Variants in ADAM32 observed in about 807,000 individuals in gnomAD.
ADAM32 encodes the protein disintegrin and metalloproteinase domain-containing protein 32.
Under a neutral mutation model 114.9 loss-of-function variants are expected in ADAM32, and 89 were observed. The observed-to-expected ratio is 0.77, with a 90% confidence interval of 0.65 to 0.92. The LOEUF (loss-of-function observed/expected upper bound fraction) is 0.92, where lower values mean the gene tolerates loss of function less well. Among genes scored for constraint, ADAM32 ranks in the 40% least tolerant of loss-of-function variants. The probability of loss-of-function intolerance (pLI) is 0.00; values close to 1 mark genes in which losing one functional copy is unlikely to be tolerated. For synonymous variants in ADAM32, 285 were observed against 307.5 expected (o/e 0.93, Z 0.77); for missense variants, 870 against 932.8 (o/e 0.93, Z 0.88).
chr8:39,116,644 T>C (rs1041909397), intron 1 of ADAM32, among the ~76,000 whole-genome samples: 5 of 152,160 alleles, frequency 3.3e-5, no homozygotes, highest in Non-Finnish European at 7.3e-5. Flanking sequence ...GGGCAGAAAC[T>C]ATAGGGTTTT....
rs552754746 is a variant in ADAM32, at chr8:39,197,270, G to A, written c.1052+10225G>A. 1.6e-4 allele frequency among the ~76,000 whole-genome samples: 24 copies of A among 151,556 alleles called. No individual in the cohort carries two copies. In the South Asian group the frequency reaches 4.2e-3, roughly 26 times the overall value. On this transcript the variant is annotated intron_variant, in intron 11 of 24. Transcript: ENST00000379907. ...ATATCTGTGTATCAATTTTGTTTAC[G>A]TTTTCCAAAAATTAATTTTTGCTTC...
At chr8:39,279,626 T>C (rs748776500) in intron 22 of ADAM32, among the ~76,000 whole-genome samples, 2 of 152,226 alleles carry the variant, frequency 1.3e-5, no homozygotes, top group African/African-American at 4.8e-5. Flanking sequence ...ATTACATCTT[T>C]CTACCTCTCT....
At chr8:39,156,731 A>G (rs1271240165) in intron 6 of ADAM32, among the ~76,000 whole-genome samples, 2 of 152,160 alleles carry the variant, frequency 1.3e-5, no homozygotes, top group Non-Finnish European at 2.9e-5. Context: ...TGCTTGGCAT[A>G]TAAGTAACCA....
chr8:39,283,009 CT>C (rs1206410923), intron 23 of ADAM32, among the ~76,000 whole-genome samples: 1 of 152,104 alleles, frequency 6.6e-6, no homozygotes, highest in Non-Finnish European at 1.5e-5. Context: ...GTATTATCTT[CT>C]CTGTGAATTA....
intron 11 of ADAM32, among the ~76,000 whole-genome samples, chr8:39,190,736 A>G (rs1745063282): frequency 6.6e-6 from 1 of 152,178 alleles, no homozygotes; most frequent in Non-Finnish European, 1.5e-5. Flanking sequence ...TCCTTTGCCC[A>G]CTTTTAAGTG....
intron 19 of ADAM32, among the ~76,000 whole-genome samples, chr8:39,262,521 A>C (rs28649569): frequency 0.28 from 42,416 of 151,758 alleles, 6,255 homozygotes; most frequent in African/African-American, 0.36. Context: ...TTGTTTGGCT[A>C]TTCAGGGCCT....
At chr8:39,112,802 T>C (rs2129444070) in intron 1 of ADAM32, among the ~76,000 whole-genome samples, 1 of 152,360 alleles carries the variant, frequency 6.6e-6, no homozygotes, top group Admixed American at 6.5e-5. Flanking sequence ...GCTATGGGAC[T>C]ATCTATAGAG....
intron 6 of ADAM32, among the ~76,000 whole-genome samples, chr8:39,159,934 C>T (rs149936839): frequency 2.1e-4 from 32 of 152,238 alleles, no homozygotes; most frequent in African/African-American, 6.5e-4. Context: ...CACAATACTC[C>T]CTTATAGAAA....
At chr8:39,185,776 A>G (rs1265493453) in intron 10 of ADAM32, among the ~76,000 whole-genome samples, 1 of 152,210 alleles carries the variant, frequency 6.6e-6, no homozygotes, top group African/African-American at 2.4e-5. Context: ...CCAGAGCAGT[A>G]CATTGATACT....
chr8:39,197,299 A>C (rs1263495212), intron 11 of ADAM32, among the ~76,000 whole-genome samples: 1 of 151,144 alleles, frequency 6.6e-6, no homozygotes, highest in African/African-American at 2.4e-5. Context: ...TTGCTTCTTT[A>C]GTTCTTTTTA....
intron 2 of ADAM32, among the ~76,000 whole-genome samples, chr8:39,127,767 G>A (rs1365776289): frequency 1.3e-5 from 2 of 152,064 alleles, no homozygotes; most frequent in Non-Finnish European, 2.9e-5. Flanking sequence ...TTGTTGTGAT[G>A]TTAGGTTGTT....
At chr8:39,154,815 A>G (rs1045637815) in intron 6 of ADAM32, among the ~76,000 whole-genome samples, 2 of 149,552 alleles carry the variant, frequency 1.3e-5, no homozygotes, top group African/African-American at 2.5e-5. Context: ...TTTTTTTCAT[A>G]TGTTTGTTGG....
At chr8:39,111,313 T>C (rs949999490) in intron 1 of ADAM32, among the ~76,000 whole-genome samples, 1 of 152,224 alleles carries the variant, frequency 6.6e-6, no homozygotes, top group African/African-American at 2.4e-5. Flanking sequence ...CTTCTGGACT[T>C]TGTTATCCCC....
chr8:39,161,490 C>G (rs549429383), intron 7 of ADAM32, among the ~76,000 whole-genome samples: 3 of 152,310 alleles, frequency 2.0e-5, no homozygotes, highest in Admixed American at 6.5e-5. Context: ...TTTCCATAAA[C>G]AGTCTGAGGC....
intron 17 of ADAM32, among the ~76,000 whole-genome samples, chr8:39,248,815 T>A (rs1160365989): frequency 2.6e-5 from 4 of 152,108 alleles, no homozygotes; most frequent in African/African-American, 9.7e-5. Context: ...AGCTGTAGGT[T>A]TTTTTGTTTG....
At chr8:39,172,811 A>G (rs1050697281) in intron 10 of ADAM32, among the ~76,000 whole-genome samples, 5 of 152,176 alleles carry the variant, frequency 3.3e-5, no homozygotes, top group African/African-American at 1.2e-4. Context: ...ATACAGGTGC[A>G]TGTGTCTTTA....
chr8:39,226,348 C>G (rs1384571505), intron 14 of ADAM32, among the ~76,000 whole-genome samples: 2 of 151,864 alleles, frequency 1.3e-5, no homozygotes, highest in Non-Finnish European at 2.9e-5. Flanking sequence ...CTGAAAACTT[C>G]CAAAATCTTA....
At chr8:39,119,712 G>A (rs1481684165) in intron 2 of ADAM32, among the ~76,000 whole-genome samples, 1 of 151,970 alleles carries the variant, frequency 6.6e-6, no homozygotes, top group Non-Finnish European at 1.5e-5. Context: ...ATGACATTCA[G>A]TTTATCAAAT....
intron 11 of ADAM32, among the ~76,000 whole-genome samples, chr8:39,187,913 AG>A (rs1806353124): frequency 6.6e-6 from 1 of 152,224 alleles, no homozygotes; most frequent in African/African-American, 2.4e-5. Flanking sequence ...GATTAGCTAC[AG>A]TGATTTCTAA....
Sources: gnomAD v4.1 joint callset for allele counts (sites outside exome capture counted in the v4.1 genomes callset) on GRCh38, gnomAD v4.1.1 for gene constraint, MANE v1.5 for transcripts, NCBI Gene and HGNC (gene_info 2026-07-23, HGNC 2026-07-21) for gene names.